Variants in C12orf76 observed in about 807,000 individuals in gnomAD.
C12orf76 encodes chromosome 12 open reading frame 76, also known as uncharacterized protein C12orf76.
Under a neutral mutation model 6.8 loss-of-function variants are expected in C12orf76, and 6 were observed. The observed-to-expected ratio is 0.88, with a 90% CI of 0.48 to 1.73. The LOEUF (loss-of-function observed/expected upper bound fraction) is 1.73. Ranked by LOEUF, C12orf76 falls within the 40% of genes most tolerant of loss-of-function variation. The probability of loss-of-function intolerance (pLI) is 0.01; values close to 1 mark genes in which losing one functional copy is unlikely to be tolerated. For missense variants in C12orf76, 99 were observed against 98.2 expected, an observed-to-expected ratio of 1.01 and a Z score of -0.03; for synonymous variants, 56 against 43.7, an observed-to-expected ratio of 1.28 and a Z score of -1.11.
chr12:110,048,704 T>C, upstream of C12orf76: 6 of 1,224,338 alleles, frequency 4.9e-6, 1 homozygote. Flanking sequence ...GGACCAACTT[T>C]CCGTTCAGAT....
chr12:110,068,580 C>T (rs893053179), upstream of C12orf76, among the ~76,000 whole-genome samples: 2 of 152,200 alleles, frequency 1.3e-5, no homozygotes, highest in Non-Finnish European at 2.9e-5. Flanking sequence ...ACCTGCAACG[C>T]TAACTCCTCT....
chr12:110,046,574 C>A (rs1168090990), intron 1 of C12orf76, among the ~76,000 whole-genome samples: 1 of 152,232 alleles, frequency 6.6e-6, no homozygotes, highest in African/African-American at 2.4e-5. Flanking sequence ...CAGTTCCCTT[C>A]ATCTGCAAAG....
At position 110,041,657 on chromosome 12, in the gene C12orf76, C is replaced by G. The variant is rs1325985740; in HGVS notation, c.*717G>C. The G allele has an allele frequency of 6.6e-6, 1 of 152,286 alleles. No individual in the cohort carries two copies. Among genetic ancestry groups the G allele is most frequent in the East Asian group, 1.9e-4 (1 of 5,202 alleles). 9.4% of individuals were successfully genotyped at this position (152,286 alleles called of 1,614,324 possible). ...AGTTTCAGACCGTGGGCTAGAAAGA[C>G]TCAAATGCAGGGCAAGGGAGATCAA... On this transcript the variant is annotated 3_prime_UTR_variant, in exon 2 of 2. Coordinates refer to ENST00000615315, the MANE Select transcript of C12orf76 (RefSeq NM_001389625.1).
intron 1 of C12orf76, among the ~76,000 whole-genome samples, chr12:110,066,880 G>T (rs1341482454): frequency 1.3e-5 from 2 of 152,138 alleles, no homozygotes; most frequent in Non-Finnish European, 1.5e-5. Flanking sequence ...TAATAGCCAC[G>T]AACTGGTACA....
chr12:110,073,562 T>C (rs1231599534), exon 1 of C12orf76: 10 of 502,364 alleles, frequency 2.0e-5, no homozygotes, highest in Non-Finnish European at 4.0e-5. Context: ...CCTCCCTTCC[T>C]GCGCGGGGCT....
upstream of C12orf76, chr12:110,048,532 G>A: frequency 7.3e-7 from 1 of 1,377,970 alleles, no homozygotes; most frequent in Non-Finnish European, 9.4e-7. Flanking sequence ...GGCCACTTCC[G>A]TCGCAAGCCC....
At chr12:110,065,891 C>T (rs376968892) in exon 2 of C12orf76, 95 of 1,613,996 alleles carry the variant, frequency 5.9e-5, no homozygotes, top group Non-Finnish European at 7.9e-5. Context: ...CTTGCTGTTC[C>T]TCTTTTGTGC....
chr12:110,046,621 G>T (rs989883372), intron 1 of C12orf76, among the ~76,000 whole-genome samples: 12 of 152,162 alleles, frequency 7.9e-5, no homozygotes, highest in Admixed American at 4.6e-4. Flanking sequence ...TGGTCTCTAA[G>T]TGCTTGGATG....
chr12:110,055,051 T>C (rs1421287838), intron 4 of C12orf76, among the ~76,000 whole-genome samples: 2 of 152,220 alleles, frequency 1.3e-5, no homozygotes, highest in Admixed American at 6.5e-5. Context: ...TTAGTAATGC[T>C]TTATTTGTTA....
intron 1 of C12orf76, 57 bp from the exon 2 acceptor site, chr12:110,042,516 C>T (rs1212381936): frequency 1.9e-6 from 2 of 1,074,550 alleles, no homozygotes; most frequent in Admixed American, 1.7e-5. Context: ...GCAATTCATC[C>T]ACTCACTGCC....
At chr12:110,045,025 G>T (rs1051563627) in intron 1 of C12orf76, among the ~76,000 whole-genome samples, 3 of 152,064 alleles carry the variant, frequency 2.0e-5, no homozygotes, top group Non-Finnish European at 2.9e-5. Flanking sequence ...TGGTGAGTGA[G>T]GGGGAAGAAG....
intron 2 of C12orf76, among the ~76,000 whole-genome samples, chr12:110,061,586 G>T (rs1302819049): frequency 6.6e-6 from 1 of 151,352 alleles, no homozygotes; most frequent in Non-Finnish European, 1.5e-5. Context: ...ACCCAGGCTG[G>T]AGTGCAGCAG....
chr12:110,043,076 A>C (rs554244088), intron 1 of C12orf76, among the ~76,000 whole-genome samples: 13 of 152,090 alleles, frequency 8.5e-5, no homozygotes, highest in South Asian at 6.2e-4. Context: ...TCAAAAAAAA[A>C]AACAACAACA....
At chr12:110,067,437 T>A in intron 1 of C12orf76, 1 of 985,438 alleles carries the variant, frequency 1.0e-6, no homozygotes, top group Non-Finnish European at 1.2e-6. Context: ...ATCCCTGGAA[T>A]TTCTGGCTTT....
upstream of C12orf76, among the ~76,000 whole-genome samples, chr12:110,070,921 C>T (rs993485206): frequency 1.3e-5 from 2 of 152,090 alleles, no homozygotes; most frequent in African/African-American, 2.4e-5. Flanking sequence ...ATTATAGACA[C>T]ACACTACCCC....
chr12:110,048,013 C>T (rs1480222540), intron 1 of C12orf76, among the ~76,000 whole-genome samples: 1 of 152,020 alleles, frequency 6.6e-6, no homozygotes, highest in Non-Finnish European at 1.5e-5. Context: ...CCAGCCTGGC[C>T]AACATAGTGA....
exon 2 of C12orf76, chr12:110,065,942 T>C (rs1892851673): frequency 2.5e-6 from 4 of 1,613,830 alleles, no homozygotes; most frequent in South Asian, 2.2e-5. Context: ...GTCCCGTGTA[T>C]CACGTGGCTG....
At chr12:110,072,078 T>C (rs1328267374), upstream of C12orf76, among the ~76,000 whole-genome samples, 2 of 152,186 alleles carry the variant, frequency 1.3e-5, no homozygotes, top group South Asian at 4.1e-4. Context: ...AATGGATGAA[T>C]GGATACATAA....
upstream of C12orf76, among the ~76,000 whole-genome samples, chr12:110,071,250 A>T (rs1459251837): frequency 6.6e-6 from 1 of 152,168 alleles, no homozygotes; most frequent in Non-Finnish European, 1.5e-5. Context: ...ATTCCTAACA[A>T]TTCTCCCCAT....
Sources: gnomAD v4.1 joint callset for allele counts (sites outside exome capture counted in the v4.1 genomes callset) on GRCh38, gnomAD v4.1.1 for gene constraint, MANE v1.5 for transcripts, NCBI Gene and HGNC (gene_info 2026-07-23, HGNC 2026-07-21) for gene names.